Variants in MAPK8 observed in about 807,000 individuals in gnomAD.
The protein encoded by MAPK8 is mitogen-activated protein kinase 8.
A neutral mutation model predicts 52.9 loss-of-function variants in MAPK8; 13 were observed. The ratio of observed to expected loss-of-function variants is 0.25; its 90% CI spans 0.16 to 0.39. The LOEUF (loss-of-function observed/expected upper bound fraction) is 0.39. Among genes scored for constraint, MAPK8 ranks in the 10% least tolerant of loss-of-function variants. The probability of loss-of-function intolerance (pLI) is 1.00; values close to 1 mark genes in which losing one functional copy is unlikely to be tolerated. For synonymous variants in MAPK8, 191 were observed against 169.8 expected (o/e 1.12, Z -0.97); for missense variants, 300 against 519.2 (o/e 0.58, Z 4.10).
At chr10:48,410,878 A>G (rs2042710727) in intron 5 of MAPK8, among the ~76,000 whole-genome samples, 1 of 152,210 alleles carries the variant, frequency 6.6e-6, no homozygotes, top group African/African-American at 2.4e-5. Flanking sequence ...CCTAACGACT[A>G]ATAATGTTGG....
chr10:48,432,959 C>T (rs966332673), intron 11 of MAPK8, among the ~76,000 whole-genome samples: 2 of 152,054 alleles, frequency 1.3e-5, no homozygotes, highest in African/African-American at 4.8e-5. Flanking sequence ...ATCAAAATAC[C>T]AGATAACCAC....
chr10:48,436,827 C>G lies in MAPK8; in HGVS notation c.*1798C>G, dbSNP rs1218641108. On this transcript the variant is annotated 3_prime_UTR_variant, in exon 12 of 12. Transcript: ENST00000374189. ...GTCCCTTTTCTAATACAACAAGGTG[C>G]ATTAATTTGATTAGGCAAATTAGAG... The G allele has an allele frequency of 6.6e-6, 1 of 152,152 alleles. No individual in the cohort carries two copies. Among genetic ancestry groups the G allele is most frequent in the Non-Finnish European group, 1.5e-5 (1 of 68,032 alleles). 9.4% of individuals were successfully genotyped at this position (152,152 alleles called of 1,614,324 possible).
At chr10:48,369,041 G>A (rs188738041) in intron 1 of MAPK8, among the ~76,000 whole-genome samples, 49 of 152,298 alleles carry the variant, frequency 3.2e-4, no homozygotes, top group African/African-American at 1.2e-3. Context: ...GCAGGGTCAT[G>A]TAGCATAAAC....
chr10:48,352,402 G>A (rs946593527), intron 1 of MAPK8, among the ~76,000 whole-genome samples: 7 of 151,834 alleles, frequency 4.6e-5, no homozygotes, highest in South Asian at 2.1e-4. Flanking sequence ...ATAATCCAAC[G>A]GTATATAAAT....
At chr10:48,329,184 G>A (rs74130246) in intron 1 of MAPK8, among the ~76,000 whole-genome samples, 105 of 152,340 alleles carry the variant, frequency 6.9e-4, no homozygotes, top group African/African-American at 2.5e-3. Flanking sequence ...AATCCAGACA[G>A]TTGGCTCCAG....
intron 1 of MAPK8, among the ~76,000 whole-genome samples, chr10:48,344,338 C>T (rs764007554): frequency 1.3e-5 from 2 of 152,160 alleles, no homozygotes; most frequent in Non-Finnish European, 2.9e-5. Context: ...TTTATAACTC[C>T]CTGTTGCCTT....
At chr10:48,381,283 C>T (rs1460058222) in intron 1 of MAPK8, among the ~76,000 whole-genome samples, 1 of 152,034 alleles carries the variant, frequency 6.6e-6, no homozygotes, top group Non-Finnish European at 1.5e-5. Context: ...TTAGTTTTAG[C>T]TATATCATGT....
At chr10:48,374,633 T>C (rs1329065400) in intron 1 of MAPK8, among the ~76,000 whole-genome samples, 1 of 151,992 alleles carries the variant, frequency 6.6e-6, no homozygotes, top group Non-Finnish European at 1.5e-5. Context: ...AACTAGAAAA[T>C]CTAGAAGAAA....
At chr10:48,388,636 ATC>A (rs1173253384) in intron 1 of MAPK8, among the ~76,000 whole-genome samples, 17 of 152,310 alleles carry the variant, frequency 1.1e-4, no homozygotes, top group Middle Eastern at 3.4e-3. Flanking sequence ...CCACACTCTT[ATC>A]TGTTTCTTCA....
At chr10:48,317,819 A>C (rs1842647317) in intron 1 of MAPK8, among the ~76,000 whole-genome samples, 1 of 152,196 alleles carries the variant, frequency 6.6e-6, no homozygotes. Context: ...CATGAGATTC[A>C]TACGGGCAGA....
intron 1 of MAPK8, among the ~76,000 whole-genome samples, chr10:48,328,969 G>A (rs539891822): frequency 1.8e-3 from 273 of 152,224 alleles, no homozygotes; most frequent in Admixed American, 3.2e-3. Flanking sequence ...TTAGTAAAGC[G>A]TTTCCAACTT....
intron 1 of MAPK8, among the ~76,000 whole-genome samples, chr10:48,338,152 A>G (rs191424242): frequency 5.2e-4 from 77 of 149,174 alleles, no homozygotes; most frequent in African/African-American, 1.8e-3. Context: ...CAACAAAAAG[A>G]AAAACAGAAA....
intron 1 of MAPK8, among the ~76,000 whole-genome samples, chr10:48,350,397 G>A (rs1158312193): frequency 6.6e-6 from 1 of 152,192 alleles, no homozygotes; most frequent in Non-Finnish European, 1.5e-5. Flanking sequence ...AAATCCAGCA[G>A]CACATCAAAA....
chr10:48,339,049 C>A (rs1364715371), intron 1 of MAPK8, among the ~76,000 whole-genome samples: 3 of 152,082 alleles, frequency 2.0e-5, no homozygotes, highest in African/African-American at 4.8e-5. Flanking sequence ...TATCAAATTA[C>A]CAATGTGATT....
At chr10:48,413,660 A>G (rs1187355613) in intron 5 of MAPK8, among the ~76,000 whole-genome samples, 1 of 151,596 alleles carries the variant, frequency 6.6e-6, no homozygotes, top group African/African-American at 2.4e-5. Context: ...AATTCTTAGT[A>G]TCACTGTATT....
intron 1 of MAPK8, among the ~76,000 whole-genome samples, chr10:48,331,179 A>G (rs542760324): frequency 6.6e-6 from 1 of 152,238 alleles, no homozygotes; most frequent in African/African-American, 2.4e-5. Flanking sequence ...TGTAACCTGT[A>G]TCTGGTTCAG....
chr10:48,393,577 C>T (rs1408753831), intron 1 of MAPK8, among the ~76,000 whole-genome samples: 1 of 152,032 alleles, frequency 6.6e-6, no homozygotes, highest in African/African-American at 2.4e-5. Flanking sequence ...AGAAAACCCT[C>T]CTAGGGTTGT....
At chr10:48,314,432 T>C (rs1415714906) in intron 1 of MAPK8, among the ~76,000 whole-genome samples, 2 of 152,236 alleles carry the variant, frequency 1.3e-5, no homozygotes, top group African/African-American at 2.4e-5. Context: ...TATACTGGTA[T>C]ACCATTTAAC....
At chr10:48,324,639 A>G (rs1346994641) in intron 1 of MAPK8, among the ~76,000 whole-genome samples, 1 of 150,550 alleles carries the variant, frequency 6.6e-6, no homozygotes, top group Non-Finnish European at 1.5e-5. Flanking sequence ...TTCCCACTGT[A>G]TTTCCTAAAG....
Sources: gnomAD v4.1 joint callset for allele counts (sites outside exome capture counted in the v4.1 genomes callset) on GRCh38, gnomAD v4.1.1 for gene constraint, MANE v1.5 for transcripts, NCBI Gene and HGNC (gene_info 2026-07-23, HGNC 2026-07-21) for gene names.